Variants in GALNT13 observed in about 807,000 individuals in gnomAD.
GALNT13 encodes UDP-GalNAc:polypeptide N-acetylgalactosaminyltransferase 13.
GALNT13 carries 28 observed loss-of-function variants against 64.2 expected under a neutral mutation model. That is an observed-to-expected ratio of 0.44 (90% CI 0.32 to 0.60). The LOEUF is 0.60. Ranked by LOEUF, GALNT13 falls within the 20% of genes least tolerant of loss-of-function variation. GALNT13 has a pLI of 0.05. For missense variants in GALNT13, 577 were observed against 669.8 expected, an observed-to-expected ratio of 0.86 and a Z score of 1.53; for synonymous variants, 214 against 224.6, an observed-to-expected ratio of 0.95 and a Z score of 0.42.
chr2:153,462,506 C>A, the GALNT13 span, among the ~76,000 whole-genome samples: 1 of 152,090 alleles, frequency 6.6e-6, no homozygotes, highest in Non-Finnish European at 1.5e-5. Context: ...GACAGCAAGG[C>A]AAAATCAATG....
intron 4 of GALNT13, among the ~76,000 whole-genome samples, chr2:154,184,390 A>C (rs1686136929): frequency 6.6e-6 from 1 of 152,062 alleles, no homozygotes; most frequent in African/African-American, 2.4e-5. Context: ...TTTATACTTG[A>C]AGTAATTATT....
the GALNT13 span, among the ~76,000 whole-genome samples, chr2:153,298,196 C>T: frequency 6.6e-6 from 1 of 152,086 alleles, no homozygotes; most frequent in Admixed American, 6.6e-5. Context: ...TTTTTTACTT[C>T]CTTGATGCTT....
At chr2:154,118,084 A>T (rs1681704879) in intron 3 of GALNT13, among the ~76,000 whole-genome samples, 1 of 152,148 alleles carries the variant, frequency 6.6e-6, no homozygotes, top group African/African-American at 2.4e-5. Context: ...TTTTCTGTTT[A>T]TAAGTAGAGT....
chr2:154,072,657 T>C (rs560371701), intron 3 of GALNT13, among the ~76,000 whole-genome samples: 2 of 152,154 alleles, frequency 1.3e-5, no homozygotes, highest in Admixed American at 1.3e-4. Context: ...CATTGCTGCC[T>C]GGTTATATGT....
the GALNT13 span, among the ~76,000 whole-genome samples, chr2:153,201,347 G>A: frequency 3.3e-5 from 5 of 152,144 alleles, no homozygotes; most frequent in African/African-American, 9.7e-5. Context: ...TTCTGACAAC[G>A]TGTCCAAAAG....
chr2:154,275,262 A>G (rs1559062422), intron 8 of GALNT13, among the ~76,000 whole-genome samples: 1 of 152,120 alleles, frequency 6.6e-6, no homozygotes, highest in Non-Finnish European at 1.5e-5. Context: ...CACCAAGACA[A>G]TGGGGAAAAG....
At chr2:154,298,684 T>A (rs866958227) in intron 8 of GALNT13, among the ~76,000 whole-genome samples, 33 of 56,800 alleles carry the variant, frequency 5.8e-4, no homozygotes, top group African/African-American at 1.1e-3. Context: ...GTATATACAA[T>A]TTATATATAC....
the GALNT13 span, among the ~76,000 whole-genome samples, chr2:153,099,297 T>A: frequency 6.6e-6 from 1 of 152,172 alleles, no homozygotes; most frequent in Admixed American, 6.5e-5. Flanking sequence ...AGTTCAGCAT[T>A]GTTTCTGTGA....
At chr2:153,524,397 A>G in the GALNT13 span, among the ~76,000 whole-genome samples, 2,050 of 150,790 alleles carry the variant, frequency 0.014, 32 homozygotes, top group Non-Finnish European at 0.02. Context: ...CAAGGACACC[A>G]ATTTAACTAC....
chr2:153,438,942 T>G, the GALNT13 span, among the ~76,000 whole-genome samples: 1 of 152,180 alleles, frequency 6.6e-6, no homozygotes, highest in African/African-American at 2.4e-5. Context: ...TTTCCCCATC[T>G]TTGTGGTTTT....
At position 153,906,708 on chromosome 2, in the gene GALNT13, G is replaced by A. The variant is rs1469782770; in HGVS notation, c.-105+5701G>A. 6.1e-3 allele frequency among the ~76,000 whole-genome samples: 914 copies of A among 150,978 alleles called. 6 individuals are homozygous for A. Among genetic ancestry groups the A allele is most frequent in the African/African-American group, 0.021 (857 of 40,836 alleles). Reference sequence around the variant, plus strand: ...GTGAATAGTGCTGCAATAAACATACGTGTGCATGTGTCTTTATAGCAGCAT... The same window carrying A: ...GTGAATAGTGCTGCAATAAACATACATGTGCATGTGTCTTTATAGCAGCAT... On this transcript the variant is annotated intron_variant, in intron 2 of 12. Transcript: ENST00000392825.
intron 8 of GALNT13, among the ~76,000 whole-genome samples, chr2:154,298,537 T>TACAATGTATATATA (rs1229214354): frequency 1.3e-5 from 1 of 76,942 alleles, no homozygotes; most frequent in East Asian, 5.1e-4. Context: ...AAATTGTATA[T>TACAATGTATATATA]ATTTATATAT....
chr2:154,379,791 A>G (rs918491621), intron 9 of GALNT13, among the ~76,000 whole-genome samples: 1 of 152,040 alleles, frequency 6.6e-6, no homozygotes, highest in African/African-American at 2.4e-5. Context: ...CTCAGTAAAT[A>G]CTGAATCCTG....
chr2:153,814,529 G>A, the GALNT13 span, among the ~76,000 whole-genome samples: 1 of 152,122 alleles, frequency 6.6e-6, no homozygotes, highest in South Asian at 2.1e-4. Flanking sequence ...GACCATCCCT[G>A]ATTTGAGGCG....
At chr2:153,246,762 G>T in the GALNT13 span, among the ~76,000 whole-genome samples, 1 of 152,054 alleles carries the variant, frequency 6.6e-6, no homozygotes, top group Non-Finnish European at 1.5e-5. Context: ...TAACCAGCTG[G>T]CATCATGATG....
At chr2:154,018,856 G>A (rs189019867) in intron 3 of GALNT13, among the ~76,000 whole-genome samples, 50 of 150,804 alleles carry the variant, frequency 3.3e-4, no homozygotes, top group Admixed American at 7.3e-4. Flanking sequence ...AGGAGGAGGA[G>A]GAGAGACAAG....
At chr2:153,253,872 G>A in the GALNT13 span, among the ~76,000 whole-genome samples, 3 of 152,278 alleles carry the variant, frequency 2.0e-5, no homozygotes, top group Middle Eastern at 6.8e-3. Context: ...CGGTTTGCCA[G>A]TATTTTATTG....
At chr2:153,657,337 G>C in the GALNT13 span, among the ~76,000 whole-genome samples, 1 of 152,136 alleles carries the variant, frequency 6.6e-6, no homozygotes, top group Non-Finnish European at 1.5e-5. Flanking sequence ...AGAATGAGCG[G>C]AAGAGGGAAG....
At chr2:153,222,957 C>T in the GALNT13 span, among the ~76,000 whole-genome samples, 1 of 152,188 alleles carries the variant, frequency 6.6e-6, no homozygotes, top group Non-Finnish European at 1.5e-5. Context: ...GAGGCTCCTC[C>T]TGCCCCCTGA....
Sources: allele counts gnomAD v4.1 joint callset (sites outside exome capture counted in the v4.1 genomes callset), GRCh38; gene constraint gnomAD v4.1.1; transcripts MANE v1.5; gene names NCBI Gene and HGNC (gene_info 2026-07-23, HGNC 2026-07-21).